WWOX: variants seen among roughly 807,000 people sequenced by gnomAD.
The protein encoded by WWOX is WW domain-containing oxidoreductase.
A neutral mutation model predicts 46.2 loss-of-function variants in WWOX; 69 were observed. That is an observed-to-expected ratio of 1.49 (90% CI 1.23 to 1.82). The LOEUF (loss-of-function observed/expected upper bound fraction) is 1.82, where lower values mean the gene tolerates loss of function less well. Ranked by LOEUF, WWOX falls within the 40% of genes most tolerant of loss-of-function variation. WWOX has a pLI of 0.00. For synonymous variants in WWOX, 359 were observed against 202.6 expected (o/e 1.77, Z -6.56); for missense variants, 919 against 542.6 (o/e 1.69, Z -6.89).
chr16:78,140,882 C>G (rs1000589539), intron 4 of WWOX, among the ~76,000 whole-genome samples: 5 of 152,178 alleles, frequency 3.3e-5, no homozygotes, highest in Non-Finnish European at 5.9e-5. Context: ...ATCATTGATG[C>G]TATCCAGATG....
chr16:78,905,372 G>T (rs539767772), intron 8 of WWOX, among the ~76,000 whole-genome samples: 1 of 152,160 alleles, frequency 6.6e-6, no homozygotes, highest in Non-Finnish European at 1.5e-5. Context: ...ATGGACGCTT[G>T]GAAGAATTCT....
intron 8 of WWOX, among the ~76,000 whole-genome samples, chr16:78,837,025 A>G (rs1260265601): frequency 2.0e-5 from 3 of 152,154 alleles, no homozygotes; most frequent in Non-Finnish European, 2.9e-5. Context: ...TTCATCCCAC[A>G]CAATGGAAAC....
intron 5 of WWOX, among the ~76,000 whole-genome samples, chr16:78,341,567 G>C (rs2081015444): frequency 8.3e-6 from 1 of 120,022 alleles, no homozygotes; most frequent in African/African-American, 2.8e-5. Context: ...CTGTGTACTT[G>C]GAGCTCTGAA....
Position 78,262,001 on chromosome 16 carries a change from A to C in WWOX, c.516+97712A>C, listed in dbSNP as rs1194817076. On this transcript the variant is annotated intron_variant, in intron 5 of 8. Coordinates refer to ENST00000566780, the MANE Select transcript of WWOX (RefSeq NM_016373.4). The stretch of plus-strand genomic sequence containing the variant: ...GTAGGGCTTTAAGAAAGCAAGAAAG[A>C]ATCGCTTGAACCTGGGAAGCGGAGG... 2.4e-4 allele frequency among the ~76,000 whole-genome samples: 35 copies of C among 148,092 alleles called. No homozygotes were observed. In the Admixed American group the frequency reaches 2.4e-3, roughly 10 times the overall value.
chr16:78,621,844 A>G (rs983408120), intron 8 of WWOX, among the ~76,000 whole-genome samples: 2 of 151,842 alleles, frequency 1.3e-5, no homozygotes, highest in East Asian at 1.9e-4. Flanking sequence ...TGACCTCATG[A>G]TCTGCCTACC....
intron 8 of WWOX, among the ~76,000 whole-genome samples, chr16:78,735,723 C>A (rs2049075662): frequency 6.6e-6 from 1 of 152,168 alleles, no homozygotes; most frequent in African/African-American, 2.4e-5. Context: ...AGTTCTATGT[C>A]AATGATGGTA....
chr16:78,211,119 G>A (rs1350042778), intron 5 of WWOX, among the ~76,000 whole-genome samples: 1 of 152,198 alleles, frequency 6.6e-6, no homozygotes, highest in African/African-American at 2.4e-5. Context: ...CTAGAGGGCT[G>A]AAAGGAATTT....
intron 8 of WWOX, among the ~76,000 whole-genome samples, chr16:78,488,740 C>T (rs369767970): frequency 4.6e-5 from 7 of 152,242 alleles, no homozygotes; most frequent in South Asian, 4.1e-4. Flanking sequence ...AACTGTGTGA[C>T]GCTGGGGCAT....
At chr16:78,588,294 T>C (rs771771737) in intron 8 of WWOX, among the ~76,000 whole-genome samples, 9 of 152,188 alleles carry the variant, frequency 5.9e-5, no homozygotes, top group Non-Finnish European at 1.2e-4. Context: ...TCATAGGTTT[T>C]GGGTGCGGAT....
At chr16:79,011,464 TTTA>T (rs1015064665) in intron 8 of WWOX, among the ~76,000 whole-genome samples, 13 of 85,130 alleles carry the variant, frequency 1.5e-4, no homozygotes, top group Non-Finnish European at 3.0e-4. Context: ...TTTTATTTTA[TTTA>T]TTTATTTATT....
intron 8 of WWOX, among the ~76,000 whole-genome samples, chr16:78,934,132 G>C (rs899401165): frequency 1.3e-5 from 2 of 151,788 alleles, no homozygotes; most frequent in Admixed American, 1.3e-4. Flanking sequence ...TCAGGAGATG[G>C]AGACCATCCT....
chr16:78,125,205 G>T lies in WWOX; in HGVS notation c.409+10051G>T, dbSNP rs138997972. 3.3e-3 allele frequency among the ~76,000 whole-genome samples: 507 copies of T among 152,144 alleles called. 6 individuals carry two copies. Among genetic ancestry groups the T allele is most frequent in the African/African-American group, 0.011 (472 of 41,486 alleles). On this transcript the variant is annotated intron_variant, in intron 4 of 8. Transcript: ENST00000566780. ...CTTGTCATATTTAATTCTCAGCACC[G>T]TGCTTACAGCTGTCTTGTGATAATG...
At chr16:78,210,808 A>G (rs1445169206) in intron 5 of WWOX, among the ~76,000 whole-genome samples, 1 of 152,184 alleles carries the variant, frequency 6.6e-6, no homozygotes, top group Non-Finnish European at 1.5e-5. Flanking sequence ...TAATTCTCCA[A>G]AGTAGCCTAT....
At chr16:79,026,784 A>T (rs1448335589) in intron 8 of WWOX, among the ~76,000 whole-genome samples, 5 of 123,260 alleles carry the variant, frequency 4.1e-5, no homozygotes, top group African/African-American at 9.7e-5. Context: ...CGCCCGGCTA[A>T]TTTTTTTTTT....
Position 79,212,235 on chromosome 16 carries a change from G to GCTGCATTGAT in WWOX, c.*441_*450dup, listed in dbSNP as rs2051788902. On this transcript the variant is annotated 3_prime_UTR_variant, in exon 9 of 9. Transcript: ENST00000566780. Reference sequence around the variant, plus strand: ...AAAAAGCAAGTGTTCACTGCTCCTTGCTGCATTGATCCAGGAGATAATTGT... The same window carrying GCTGCATTGAT: ...AAAAAGCAAGTGTTCACTGCTCCTTGCTGCATTGATCTGCATTGATCCAGGAGATAATTGT... 1 of 1,368,576 alleles carries GCTGCATTGAT rather than the reference G, an allele frequency of 7.3e-7. No individual in the cohort carries two copies. The highest frequency in any genetic ancestry group is 1.5e-5 in the African/African-American group (1 of 68,306). 84.8% of individuals were successfully genotyped at this position (1,368,576 alleles called of 1,614,324 possible).
intron 8 of WWOX, among the ~76,000 whole-genome samples, chr16:78,620,654 C>G (rs1042349739): frequency 3.3e-5 from 5 of 152,000 alleles, no homozygotes; most frequent in African/African-American, 1.2e-4. Flanking sequence ...CTTCTTGATG[C>G]ACTTGTACTG....
chr16:78,805,412 C>T lies in WWOX; in HGVS notation c.1056+372660C>T, dbSNP rs528589851. Reference sequence around the variant, plus strand: ...AGTAGCTGGGACTACAGGCACCCGCCACCTCGCCTGGCTAATTTTTTTTTT... The same window carrying T: ...AGTAGCTGGGACTACAGGCACCCGCTACCTCGCCTGGCTAATTTTTTTTTT... On this transcript the variant is annotated intron_variant, in intron 8 of 8. Coordinates refer to ENST00000566780, the MANE Select transcript of WWOX (RefSeq NM_016373.4). Among the ~76,000 whole-genome samples, 3 of 146,536 alleles carry T rather than the reference C, an allele frequency of 2.0e-5. No homozygotes were observed. The East Asian group carries it at 5.9e-4, about 29-fold the overall frequency.
intron 4 of WWOX, among the ~76,000 whole-genome samples, chr16:78,128,971 C>A (rs117209348): frequency 1.3e-5 from 2 of 152,114 alleles, no homozygotes; most frequent in Non-Finnish European, 2.9e-5. Context: ...TCTAAGTTCA[C>A]GTACAGTTAC....
intron 5 of WWOX, among the ~76,000 whole-genome samples, chr16:78,355,331 A>G (rs532005248): frequency 2.6e-4 from 39 of 152,092 alleles, no homozygotes; most frequent in East Asian, 1.7e-3. Context: ...TGCTGGGCGC[A>G]GTGGCTCACG....
Sources: gnomAD v4.1 joint callset for allele counts (sites outside exome capture counted in the v4.1 genomes callset) on GRCh38, gnomAD v4.1.1 for gene constraint, MANE v1.5 for transcripts, NCBI Gene and HGNC (gene_info 2026-07-23, HGNC 2026-07-21) for gene names.